Variants in TENM2 observed in about 807,000 individuals in gnomAD.
TENM2 encodes the protein teneurin-2.
Under a neutral mutation model 245.2 loss-of-function variants are expected in TENM2, and 52 were observed. That is an observed-to-expected ratio of 0.21 (90% CI 0.17 to 0.27). The LOEUF (loss-of-function observed/expected upper bound fraction) is 0.27. TENM2 is among the 10% of genes least tolerant of loss of function. The pLI is 1.00. For synonymous variants in TENM2, 1,363 were observed against 1,438.9 expected (o/e 0.95, Z 1.19); for missense variants, 3,046 against 3,666.8 (o/e 0.83, Z 4.37).
At position 167,336,176 on chromosome 5, in the gene TENM2, C is replaced by CTTT. The variant is rs35059289; in HGVS notation, c.227-39000_227-38998dup. On this transcript the variant is annotated intron_variant, in intron 1 of 28. Transcript: ENST00000518659. ...TCATCCAATGTTCTTTTCATTTCTC[C>CTTT]TTTTTTTTTTTTTTTTTTTTTTTTC... 2.0e-3 allele frequency among the ~76,000 whole-genome samples: 163 copies of CTTT among 83,098 alleles called. 5 individuals carry two copies. Among genetic ancestry groups the CTTT allele is most frequent in the Non-Finnish European group, 2.2e-3 (101 of 45,060 alleles). 54.5% of individuals were successfully genotyped at this position (83,098 alleles called of 152,430 possible).
At chr5:167,409,538 A>AT (rs1308604593) in intron 2 of TENM2, among the ~76,000 whole-genome samples, 1 of 152,046 alleles carries the variant, frequency 6.6e-6, no homozygotes, top group Non-Finnish European at 1.5e-5. Context: ...CTTTAAAAAA[A>AT]CAAAGAGAAA....
chr5:167,734,053 C>T (rs1461927675), intron 2 of TENM2, among the ~76,000 whole-genome samples: 2 of 152,184 alleles, frequency 1.3e-5, no homozygotes, highest in South Asian at 2.1e-4. Context: ...CTGCATTGTT[C>T]TGGAGAGGTC....
At chr5:167,930,748 T>A (rs1054771517) in intron 3 of TENM2, among the ~76,000 whole-genome samples, 1 of 151,080 alleles carries the variant, frequency 6.6e-6, no homozygotes, top group Non-Finnish European at 1.5e-5. Context: ...GAATCATTTC[T>A]AAAGAAGAGA....
the TENM2 span, among the ~76,000 whole-genome samples, chr5:167,091,314 T>C: frequency 5.9e-5 from 9 of 152,314 alleles, no homozygotes; most frequent in East Asian, 1.3e-3. Context: ...ATAACTGTCA[T>C]TGAAAATACA....
chr5:168,028,799 CAAAAAA>C (rs34319215), intron 5 of TENM2, among the ~76,000 whole-genome samples: 5 of 122,100 alleles, frequency 4.1e-5, no homozygotes, highest in African/African-American at 1.2e-4. Flanking sequence ...TAGCAACTGT[CAAAAAA>C]AAAAAAAAAA....
At chr5:167,267,717 G>A in the TENM2 span, among the ~76,000 whole-genome samples, 1 of 152,172 alleles carries the variant, frequency 6.6e-6, no homozygotes, top group African/African-American at 2.4e-5. Flanking sequence ...GTGAATGGCA[G>A]TGCTAATGGC....
the TENM2 span, among the ~76,000 whole-genome samples, chr5:167,156,504 A>G: frequency 3.9e-4 from 60 of 152,250 alleles, no homozygotes; most frequent in Non-Finnish European, 5.7e-4. Flanking sequence ...AAGCTGGGAA[A>G]GTTTTCTTTG....
intron 1 of TENM2, among the ~76,000 whole-genome samples, chr5:167,342,560 G>A (rs1758176968): frequency 9.1e-6 from 1 of 109,930 alleles, no homozygotes; most frequent in Non-Finnish European, 1.7e-5. Context: ...TCGCTCTGTC[G>A]CCCAGGCCGG....
exon 28 of TENM2, chr5:168,260,386 A>C (rs1198071491): frequency 6.2e-7 from 1 of 1,613,960 alleles, no homozygotes; most frequent in Admixed American, 1.7e-5. Context: ...ATGAATTGTC[A>C]GAGAGTCAAG....
At chr5:167,599,630 T>C (rs1220222139) in intron 2 of TENM2, among the ~76,000 whole-genome samples, 1 of 152,204 alleles carries the variant, frequency 6.6e-6, no homozygotes, top group Non-Finnish European at 1.5e-5. Context: ...CATAATCTTA[T>C]TTAATGCCAT....
chr5:168,070,118 G>A (rs1190899170), intron 7 of TENM2, among the ~76,000 whole-genome samples: 2 of 152,116 alleles, frequency 1.3e-5, no homozygotes, highest in Admixed American at 6.5e-5. Flanking sequence ...ATTCTAAGAT[G>A]CATAAAATGC....
intron 1 of TENM2, chr5:167,287,206 A>C (rs940494138): frequency 6.6e-6 from 1 of 152,260 alleles, no homozygotes; most frequent in Non-Finnish European, 1.5e-5. Context: ...CACATATTTA[A>C]GGAGAGGAGG....
At chr5:167,123,305 G>C in the TENM2 span, among the ~76,000 whole-genome samples, 1 of 152,290 alleles carries the variant, frequency 6.6e-6, no homozygotes, top group Admixed American at 6.5e-5. Flanking sequence ...GGGGCTTAGA[G>C]CAATAGAGCA....
the TENM2 span, among the ~76,000 whole-genome samples, chr5:167,024,978 C>T: frequency 1.3e-5 from 2 of 152,064 alleles, no homozygotes; most frequent in African/African-American, 2.4e-5. Flanking sequence ...TTTAAAAATA[C>T]GAGTGCTCAA....
At chr5:167,875,061 C>G (rs150016495) in intron 2 of TENM2, among the ~76,000 whole-genome samples, 1 of 152,074 alleles carries the variant, frequency 6.6e-6, no homozygotes, top group South Asian at 2.1e-4. Context: ...TCAGCAGATG[C>G]GATTCTTTAG....
At chr5:167,358,515 G>A (rs180780699) in intron 1 of TENM2, among the ~76,000 whole-genome samples, 69 of 150,118 alleles carry the variant, frequency 4.6e-4, no homozygotes, top group Non-Finnish European at 7.4e-4. Flanking sequence ...TGGTCTTATG[G>A]TCCCTCTTTC....
Position 167,971,647 on chromosome 5 carries a change from G to A in TENM2, c.947+18825G>A, listed in dbSNP as rs1211481942. Among the ~76,000 whole-genome samples, 5 of 152,282 alleles carry A rather than the reference G, an allele frequency of 3.3e-5. No homozygotes were observed. In the South Asian group the frequency reaches 8.3e-4, roughly 25 times the overall value. ...ACCTGGGAGGCGAAGGTTGCAGTGA[G>A]CCAAGATCGCGCCACTGCACTCCAG... On this transcript the variant is annotated intron_variant, in intron 4 of 28. Transcript: ENST00000518659.
the TENM2 span, among the ~76,000 whole-genome samples, chr5:167,100,961 A>G: frequency 4.6e-5 from 7 of 152,368 alleles, no homozygotes; most frequent in Middle Eastern, 3.4e-3. Context: ...ATTAGTTTAC[A>G]TTGAAAGAAG....
chr5:167,121,512 G>C, the TENM2 span, among the ~76,000 whole-genome samples: 2 of 152,210 alleles, frequency 1.3e-5, no homozygotes, highest in Non-Finnish European at 2.9e-5. Flanking sequence ...TGCAGGGCAA[G>C]GGCACTGTGA....
Sources: allele counts gnomAD v4.1 joint callset (sites outside exome capture counted in the v4.1 genomes callset), GRCh38; gene constraint gnomAD v4.1.1; transcripts MANE v1.5; gene names NCBI Gene and HGNC (gene_info 2026-07-23, HGNC 2026-07-21).